AGPAT1: variants seen among roughly 807,000 people sequenced by gnomAD.
The protein encoded by AGPAT1 is 1-acylglycerol-3-phosphate O-acyltransferase 1, also known as 1-acyl-sn-glycerol-3-phosphate acyltransferase alpha.
AGPAT1 carries 6 observed loss-of-function variants against 31.2 expected under a neutral mutation model. The ratio of observed to expected loss-of-function variants is 0.19; its 90% CI spans 0.11 to 0.38. The LOEUF is 0.38. AGPAT1 is among the 10% of genes least tolerant of loss of function. The pLI is 1.00. For missense variants in AGPAT1, 187 were observed against 377.8 expected (o/e 0.49, Z 4.19); for synonymous variants, 139 against 154.0 (o/e 0.90, Z 0.72).
upstream of AGPAT1, chr6:32,177,773 C>T (rs1460646028): frequency 1.3e-5 from 2 of 152,216 alleles, no homozygotes; most frequent in South Asian, 4.1e-4. Flanking sequence ...CGCCGTCTTT[C>T]CCGATGTCGG....
In AGPAT1 at chr6:32,170,275, G is replaced by C. The variant is rs899768532; in HGVS notation, c.511-15C>G. The C allele has an allele frequency of 6.2e-7, 1 of 1,610,664 alleles. No homozygotes were observed. The highest frequency in any genetic ancestry group is 1.7e-5 in the Admixed American group (1 of 59,324). On this transcript the variant is annotated splice_polypyrimidine_tract_variant and intron_variant, in intron 4 of 6. Coordinates refer to ENST00000375107, the MANE Select transcript of AGPAT1 (RefSeq NM_006411.4). The surrounding 1 kb of genome is among the most constrained non-coding windows in gnomAD (Gnocchi z 7.7). ...CAGACCCTCACCTGGGGGAGAAAGA[G>C]GGTCAAAGAAGACAAATACATATGG...
At position 32,171,253 on chromosome 6, in the gene AGPAT1, G is replaced by A; in HGVS notation, c.200+44C>T. ...CTTCCCCCAATCCACTACTCACTTT[G>A]TACCCTTAGGTTCCCTCATTGCCCA... is the stretch of plus-strand genomic sequence containing the variant. On this transcript the variant is annotated intron_variant, in intron 2 of 6. Transcript: ENST00000375107. This position sits in a 1 kb window ranked among gnomAD's most constrained non-coding sequence, Gnocchi z 6.9. 1 of 1,612,680 alleles carries A rather than the reference G, an allele frequency of 6.2e-7. No homozygotes were observed. Among genetic ancestry groups the A allele is most frequent in the Non-Finnish European group, 8.5e-7 (1 of 1,179,916 alleles).
Position 32,170,035 on chromosome 6 carries a change from G to A in AGPAT1, c.610C>T (p.Pro204Ser). 2.5e-6 allele frequency: 4 copies of A among 1,614,004 alleles called. No individual in the cohort carries two copies. The highest frequency in any genetic ancestry group is 3.4e-6 in the Non-Finnish European group (4 of 1,179,920). Residue 204 changes from proline (P) to serine (S), a missense_variant, in exon 6 of 7, where the codon CCC becomes TCC. Transcript: ENST00000375107. This position sits in a 1 kb window ranked among gnomAD's most constrained non-coding sequence, Gnocchi z 7.7. ...AFHLAVQAQV[P>S]IVPIVMSSYQ... ...GAGGACATGACTATGGGGACAATGG[G>A]AACCTGGGGAAGGGTTAAAGCAGGT...
In AGPAT1 at chr6:32,171,424, G is replaced by A. The variant is rs772759702; in HGVS notation, c.73C>T (p.Leu25=). The change falls in exon 2 of 7, where the codon CTG becomes TTG. Residue 25 remains leucine, a synonymous_variant. Coordinates refer to ENST00000375107, the MANE Select transcript of AGPAT1 (RefSeq NM_006411.4). The surrounding 1 kb of genome is among the most constrained non-coding windows in gnomAD (Gnocchi z 6.9). ...TTGGCACTGGGGCTGCAGAACCACA[G>A]GGTGGGCAGCAGGAAGAGCAGCAGC... ...FLLLLFLLPT[L]WFCSPSAKYF... 6.2e-7 allele frequency: 1 copy of A among 1,613,110 alleles called. No homozygotes were observed. The highest frequency in any genetic ancestry group is 8.5e-7 in the Non-Finnish European group (1 of 1,180,000).
chr6:32,171,305 C>T lies in AGPAT1; in HGVS notation c.192G>A (p.Glu64=), dbSNP rs1257443904. Residue 64 remains glutamate, a synonymous_variant, in exon 2 of 7, where the codon GAG becomes GAA. Transcript: ENST00000375107. The surrounding 1 kb of genome is among the most constrained non-coding windows in gnomAD (Gnocchi z 6.9). The part of the protein sequence containing the change: ...PVCAVRGRNV[E]NMKILRLMLL... ...GACCCCTTGCCCCTCACTTCATGTT[C>T]TCGACGTTGCGTCCTCGCACGGCAC... 5.0e-6 allele frequency: 8 copies of T among 1,613,154 alleles called. No homozygotes were observed. Among genetic ancestry groups the T allele is most frequent in the Non-Finnish European group, 5.9e-6 (7 of 1,180,042 alleles).
Position 32,169,411 on chromosome 6 carries a change from C to T in AGPAT1, c.717G>A (p.Thr239=), listed in dbSNP as rs937993066. The part of the protein sequence containing the change: ...CQVRVLPPVP[T]EGLTPDDVPA... The stretch of plus-strand genomic sequence containing the variant: ...GGACGTCATCTGGTGTCAGCCCTTC[C>T]GTGGGCACTGGGGGCAGCACCCGCA... Residue 239 remains threonine (T), a synonymous_variant, in exon 7 of 7, where the codon ACG becomes ACA. Coordinates refer to ENST00000375107, the MANE Select transcript of AGPAT1 (RefSeq NM_006411.4). This position sits in a 1 kb window ranked among gnomAD's most constrained non-coding sequence, Gnocchi z 5.9. 7 of 1,612,614 alleles carry T rather than the reference C, an allele frequency of 4.3e-6. No individual in the cohort carries two copies. In the African/African-American group the frequency reaches 5.3e-5, roughly 12 times the overall value.
rs1460718472 is a variant in AGPAT1, at chr6:32,169,235, G to A, written c.*41C>T. ...CCCACTGGGTGGGTAGGTGTGGGGA[G>A]GAAGATGGGGACAGATGGGAGGAGA... On this transcript the variant is annotated 3_prime_UTR_variant, in exon 7 of 7. Coordinates refer to ENST00000375107, the MANE Select transcript of AGPAT1 (RefSeq NM_006411.4). This position sits in a 1 kb window ranked among gnomAD's most constrained non-coding sequence, Gnocchi z 5.9. 3 of 1,599,586 alleles carry A rather than the reference G, an allele frequency of 1.9e-6. No individual in the cohort carries two copies. Among genetic ancestry groups the A allele is most frequent in the African/African-American group, 1.3e-5 (1 of 74,726 alleles).
At position 32,174,057 on chromosome 6, in the gene AGPAT1, C is replaced by G. The variant is rs1440994010; in HGVS notation, c.-10+1757G>C. On this transcript the variant is annotated intron_variant, in intron 1 of 6. Coordinates refer to ENST00000375107, the MANE Select transcript of AGPAT1 (RefSeq NM_006411.4). The surrounding 1 kb of genome is among the most constrained non-coding windows in gnomAD (Gnocchi z 4.5). Reference sequence around the variant, plus strand: ...GCCCTCTGGTGAGTCTGATGTGCGCCTGAATTTAAGAACCACTGATCTTGA... The same window carrying G: ...GCCCTCTGGTGAGTCTGATGTGCGCGTGAATTTAAGAACCACTGATCTTGA... 6.6e-6 allele frequency among the ~76,000 whole-genome samples: 1 copy of G among 152,148 alleles called. No individual in the cohort carries two copies. The highest frequency in any genetic ancestry group is 2.4e-5 in the African/African-American group (1 of 41,420).
At chr6:32,177,750 T>C (rs1785707330), upstream of AGPAT1, 1 of 152,202 alleles carries the variant, frequency 6.6e-6, no homozygotes, top group African/African-American at 2.4e-5. Flanking sequence ...TTTTCCCTCT[T>C]TTCCTAGCTC....
Position 32,170,765 on chromosome 6 carries a change from G to A in AGPAT1, c.335-165C>T. On this transcript the variant is annotated intron_variant, in intron 3 of 6. Coordinates refer to ENST00000375107, the MANE Select transcript of AGPAT1 (RefSeq NM_006411.4). This position sits in a 1 kb window ranked among gnomAD's most constrained non-coding sequence, Gnocchi z 7.7. ...AAGGAAAGGGTGACCAAAAGTATAT[G>A]TAACCTGCTTATGAGGGCAGTTCTA... 15 of 1,244,532 alleles carry A rather than the reference G, an allele frequency of 1.2e-5. No individual in the cohort carries two copies. The highest frequency in any genetic ancestry group is 1.7e-5 in the Non-Finnish European group (15 of 871,666). The allele number at this position is 1,244,532 out of a possible 1,614,324, so 77.1% of individuals were successfully genotyped here. A position where few individuals can be genotyped will look rare whatever the true frequency, so the allele number is the denominator to read the frequency against.
In AGPAT1 at chr6:32,175,081, G is replaced by A. The variant is rs1467233972; in HGVS notation, c.-10+733C>T. ...ATAAGGTATATAACCTTCACATGCT[G>A]AAATAAACATGCCAAAACATAAAAT... On this transcript the variant is annotated intron_variant, in intron 1 of 6. Transcript: ENST00000375107. This position sits in a 1 kb window ranked among gnomAD's most constrained non-coding sequence, Gnocchi z 4.5. Among the ~76,000 whole-genome samples, 1 of 152,176 alleles carries A rather than the reference G, an allele frequency of 6.6e-6. No homozygotes were observed. Among genetic ancestry groups the A allele is most frequent in the Admixed American group, 6.5e-5 (1 of 15,286 alleles).
In AGPAT1 at chr6:32,171,340, T is replaced by C. The variant is rs750516488; in HGVS notation, c.157A>G (p.Ile53Val). ...CGTCCTCGCACGGCACACACAGGGA[T>C]GGCGAGCACAGCCAGGAAGAGGATC... ...GWILFLAVLAIPVCAVRGRNV... is the reference protein window; with the variant it reads ...GWILFLAVLAVPVCAVRGRNV... The change falls in exon 2 of 7, where the codon ATC (isoleucine) becomes GTC (valine). Residue 53 changes from isoleucine to valine, a missense_variant. Physicochemically the swap from Ile to Val is conservative, Grantham distance 29. Around this residue, in one of 3 missense-constraint regions of AGPAT1, gnomAD observed 45 missense variants for 60.9 expected, o/e 0.74. Coordinates refer to ENST00000375107, the MANE Select transcript of AGPAT1 (RefSeq NM_006411.4). The surrounding 1 kb of genome is among the most constrained non-coding windows in gnomAD (Gnocchi z 6.9). 1 of 1,613,146 alleles carries C rather than the reference T, an allele frequency of 6.2e-7. No homozygotes were observed. Among genetic ancestry groups the C allele is most frequent in the Non-Finnish European group, 8.5e-7 (1 of 1,180,046 alleles).
At position 32,171,217 on chromosome 6, in the gene AGPAT1, C is replaced by T. The variant is rs958011747; in HGVS notation, c.200+80G>A. 2.5e-6 allele frequency: 4 copies of T among 1,607,778 alleles called. No homozygotes were observed. The highest frequency in any genetic ancestry group is 1.1e-5 in the South Asian group (1 of 90,330). On this transcript the variant is annotated intron_variant, in intron 2 of 6. Transcript: ENST00000375107. The surrounding 1 kb of genome is among the most constrained non-coding windows in gnomAD (Gnocchi z 6.9). The stretch of plus-strand genomic sequence containing the variant: ...GGTCTCTCTCAGTCTTTTCTACACA[C>T]ACCATGCCCCCTTCCCCCAATCCAC...
rs1461346208 is a variant in AGPAT1 at position 32,174,835 on chromosome 6, T to A, written c.-10+979A>T. Among the ~76,000 whole-genome samples, 1 of 152,206 alleles carries A rather than the reference T, an allele frequency of 6.6e-6. No individual in the cohort carries two copies. Among genetic ancestry groups the A allele is most frequent in the Admixed American group, 6.5e-5 (1 of 15,280 alleles). On this transcript the variant is annotated intron_variant, in intron 1 of 6. Coordinates refer to ENST00000375107, the MANE Select transcript of AGPAT1 (RefSeq NM_006411.4). The surrounding 1 kb of genome is among the most constrained non-coding windows in gnomAD (Gnocchi z 4.5). ...TAATGAGCATACGGCTCACAAAATATACTGATGACAAATTTATAACACACA... is the reference window on the plus strand; with the variant it reads ...TAATGAGCATACGGCTCACAAAATAAACTGATGACAAATTTATAACACACA...
Position 32,171,555 on chromosome 6 carries a change from G to A in AGPAT1, c.-9-50C>T, listed in dbSNP as rs1582665104. The A allele has an allele frequency of 1.0e-5, 16 of 1,535,776 alleles. No individual in the cohort carries two copies. The South Asian group carries it at 1.8e-4, about 17-fold the overall frequency. On this transcript the variant is annotated intron_variant, in intron 1 of 6. Transcript: ENST00000375107. This position sits in a 1 kb window ranked among gnomAD's most constrained non-coding sequence, Gnocchi z 6.9. ...ATCAGCCTGGTTTCTGGAGGAGAGT[G>A]GGGTAGGCAAGGCACAGAAGGCAGG...
rs780868552 is a variant in AGPAT1 at position 32,170,282 on chromosome 6, A to G, written c.511-22T>C. On this transcript the variant is annotated intron_variant, in intron 4 of 6. Coordinates refer to ENST00000375107, the MANE Select transcript of AGPAT1 (RefSeq NM_006411.4). The surrounding 1 kb of genome is among the most constrained non-coding windows in gnomAD (Gnocchi z 7.7). ...TCACCTGGGGGAGAAAGAGGGTCAA[A>G]GAAGACAAATACATATGGAGGAGTC... 14 of 1,609,296 alleles carry G rather than the reference A, an allele frequency of 8.7e-6. No homozygotes were observed. Among genetic ancestry groups the G allele is most frequent in the African/African-American group, 1.3e-5 (1 of 74,822 alleles).
In AGPAT1 at chr6:32,170,772, G is replaced by T; in HGVS notation, c.334+165C>A. 2 of 1,218,054 alleles carry T rather than the reference G, an allele frequency of 1.6e-6. No homozygotes were observed. Among genetic ancestry groups the T allele is most frequent in the Non-Finnish European group, 2.4e-6 (2 of 850,038 alleles). The allele number at this position is 1,218,054 out of a possible 1,614,324, so 75.5% of individuals were successfully genotyped here. ...GGGTGACCAAAAGTATATGTAACCT[G>T]CTTATGAGGGCAGTTCTACCCAGGG... On this transcript the variant is annotated intron_variant, in intron 3 of 6. Transcript: ENST00000375107. The surrounding 1 kb of genome is among the most constrained non-coding windows in gnomAD (Gnocchi z 7.7).
rs1269839 is a variant in AGPAT1 at position 32,169,153 on chromosome 6, G to T, written c.*123C>A. On this transcript the variant is annotated 3_prime_UTR_variant, in exon 7 of 7. Coordinates refer to ENST00000375107, the MANE Select transcript of AGPAT1 (RefSeq NM_006411.4). This position sits in a 1 kb window ranked among gnomAD's most constrained non-coding sequence, Gnocchi z 5.9. ...CACTTCAGAAGTTGAAGATTCCAAA[G>T]AGGAGAATAAGTGGGGAGAGGGGAG... The T allele has an allele frequency of 0.042, 44,810 of 1,066,328 alleles. 1,343 individuals carry two copies. Among genetic ancestry groups the T allele is most frequent in the African/African-American group, 0.099 (6,204 of 62,766 alleles). The allele number at this position is 1,066,328 out of a possible 1,614,324, so 66.1% of individuals were successfully genotyped here.
Position 32,170,282 on chromosome 6 carries a change from AG to A in AGPAT1, c.511-23del, listed in dbSNP as rs1561845402. The A allele has an allele frequency of 1.9e-6, 3 of 1,609,414 alleles. No individual in the cohort carries two copies. Among genetic ancestry groups the A allele is most frequent in the Non-Finnish European group, 2.5e-6 (3 of 1,177,384 alleles). On this transcript the variant is annotated intron_variant, in intron 4 of 6. Transcript: ENST00000375107. The surrounding 1 kb of genome is among the most constrained non-coding windows in gnomAD (Gnocchi z 7.7). ...TCACCTGGGGGAGAAAGAGGGTCAA[AG>A]AAGACAAATACATATGGAGGAGTCA...
Sources: gnomAD v4.1 joint callset for allele counts (sites outside exome capture counted in the v4.1 genomes callset) on GRCh38, gnomAD v4.1.1 for gene constraint, gnomAD v4.1.1 regional missense constraint, Gnocchi (gnomAD v3.1) non-coding constraint, MANE v1.5 for transcripts, NCBI Gene and HGNC (gene_info 2026-07-23, HGNC 2026-07-21) for gene names.